ZC3H11A: variants seen among roughly 807,000 people sequenced by gnomAD.
ZC3H11A encodes zinc finger CCCH-type containing 11A.
In ZC3H11A, 22 loss-of-function variants were observed where a neutral mutation model predicts 90.8. The observed-to-expected ratio is 0.24, with a 90% CI of 0.17 to 0.35. The LOEUF is 0.35. Among genes scored for constraint, ZC3H11A ranks in the 10% least tolerant of loss-of-function variants. The pLI, the probability that ZC3H11A is intolerant of heterozygous loss-of-function variation, is 1.00. For synonymous variants in ZC3H11A, 294 were observed against 339.8 expected (o/e 0.87, Z 1.48); for missense variants, 701 against 964.9 (o/e 0.73, Z 3.62).
intron 11 of ZC3H11A, among the ~76,000 whole-genome samples, chr1:203,838,457 G>A (rs1685051979): frequency 1.3e-5 from 2 of 152,230 alleles, no homozygotes; most frequent in Admixed American, 6.5e-5. Flanking sequence ...TTAGCCAGGT[G>A]AAGTTCGAGA....
intron 2 of ZC3H11A, among the ~76,000 whole-genome samples, chr1:203,812,416 G>A (rs907493264): frequency 6.6e-6 from 1 of 152,006 alleles, no homozygotes; most frequent in Non-Finnish European, 1.5e-5. Flanking sequence ...AAGGATAATA[G>A]CCTCTGGCTC....
intron 9 of ZC3H11A, among the ~76,000 whole-genome samples, chr1:203,832,821 C>T (rs1013092516): frequency 3.3e-5 from 5 of 152,186 alleles, no homozygotes; most frequent in Admixed American, 2.6e-4. Context: ...CAGTTAACAT[C>T]GGAGTAGAGT....
In ZC3H11A at chr1:203,829,608, T is replaced by C; in HGVS notation, c.456T>C (p.His152=). 1 of 1,614,186 alleles carries C rather than the reference T, an allele frequency of 6.2e-7. No individual in the cohort carries two copies. The highest frequency in any genetic ancestry group is 8.5e-7 in the Non-Finnish European group (1 of 1,180,042). The part of the protein sequence containing the change: ...ESSENVPSPT[H]PPVVINAADD... Reference sequence around the variant, plus strand: ...CCGAAAATGTTCCTAGCCCCACGCATCCACCAGTTGTAATTAATGCTGCAG... The same window carrying C: ...CCGAAAATGTTCCTAGCCCCACGCACCCACCAGTTGTAATTAATGCTGCAG... Residue 152 remains histidine (H), a synonymous_variant, in exon 6 of 18, where the codon CAT becomes CAC. Transcript: ENST00000367210.
chr1:203,835,481 G>T (rs929803462), intron 10 of ZC3H11A: 12 of 156,052 alleles, frequency 7.7e-5, no homozygotes, highest in African/African-American at 2.9e-4. Context: ...TGTAAATCAA[G>T]AAACAATAAC....
intron 2 of ZC3H11A, among the ~76,000 whole-genome samples, chr1:203,803,643 T>C (rs528380515): frequency 6.6e-6 from 1 of 152,352 alleles, no homozygotes; most frequent in Admixed American, 6.5e-5. Context: ...TTGTGCTCTG[T>C]CACTGAGGCT....
intron 1 of ZC3H11A, chr1:203,799,958 T>A: frequency 5.2e-6 from 8 of 1,536,108 alleles, no homozygotes; most frequent in Non-Finnish European, 7.0e-6. Flanking sequence ...TCTGCCAAAT[T>A]CCAACTTCAG....
chr1:203,798,406 G>A (rs1230568920), intron 1 of ZC3H11A: 3 of 1,533,474 alleles, frequency 2.0e-6, no homozygotes, highest in Non-Finnish European at 2.6e-6. Context: ...GTGAGCCGGG[G>A]TAGGCCAGGG....
intron 2 of ZC3H11A, among the ~76,000 whole-genome samples, chr1:203,814,169 T>C (rs1342904780): frequency 1.3e-5 from 2 of 152,186 alleles, no homozygotes; most frequent in Non-Finnish European, 2.9e-5. Flanking sequence ...AGTTCATTGC[T>C]TCCAGGTTCT....
rs895055237 is a variant in ZC3H11A at position 203,801,616 on chromosome 1, A to G, written c.-1546A>G. 4.6e-5 allele frequency: 7 copies of G among 152,582 alleles called. No homozygotes were observed. Among genetic ancestry groups the G allele is most frequent in the African/African-American group, 1.2e-4 (5 of 41,426 alleles). 9.5% of individuals were successfully genotyped at this position (152,582 alleles called of 1,614,324 possible). On this transcript the variant is annotated 5_prime_UTR_variant, in exon 2 of 18. Transcript: ENST00000367210. ...TGCCCAAAAAATTCCTGGAAAATTG[A>G]CTAGTATTAAGTGTGAGTAAAAGGT...
intron 2 of ZC3H11A, among the ~76,000 whole-genome samples, chr1:203,812,677 G>A (rs1674923936): frequency 6.8e-6 from 1 of 148,052 alleles, no homozygotes; most frequent in African/African-American, 2.5e-5. Context: ...TGCCTCCTAG[G>A]TTCAAACGAT....
rs370741921 is a variant in ZC3H11A, at chr1:203,803,202, T to G, written c.-146+186T>G. Among the ~76,000 whole-genome samples, 36 of 152,204 alleles carry G rather than the reference T, an allele frequency of 2.4e-4. 2 individuals carry two copies. Among genetic ancestry groups the G allele is most frequent in the East Asian group, 1.2e-3 (6 of 5,208 alleles). On this transcript the variant is annotated intron_variant, in intron 2 of 17. Transcript: ENST00000367210. ...TTTTTTTCTTTCTTTTCTTTTTTTC[T>G]TTTTTGGAGACGGAGTTTTACTCTT...
At chr1:203,832,941 G>T (rs1353323838) in intron 9 of ZC3H11A, among the ~76,000 whole-genome samples, 2 of 152,128 alleles carry the variant, frequency 1.3e-5, no homozygotes, top group Non-Finnish European at 2.9e-5. Context: ...TTAATAATTA[G>T]TACTATTCTA....
intron 2 of ZC3H11A, among the ~76,000 whole-genome samples, chr1:203,804,460 A>T (rs566100531): frequency 2.6e-5 from 4 of 151,698 alleles, no homozygotes; most frequent in Non-Finnish European, 5.9e-5. Flanking sequence ...CCCTTCCTGT[A>T]TATCTTTTTA....
intron 4 of ZC3H11A, among the ~76,000 whole-genome samples, chr1:203,819,422 A>C (rs531475261): frequency 6.7e-6 from 1 of 150,278 alleles, no homozygotes; most frequent in East Asian, 2.0e-4. Context: ...GGGTTTTACC[A>C]CGCAGGCCAG....
chr1:203,835,830 A>C (rs570679180), intron 10 of ZC3H11A: 4 of 239,036 alleles, frequency 1.7e-5, no homozygotes, highest in Non-Finnish European at 3.7e-5. Flanking sequence ...TTCAATTTTA[A>C]GAAAAGCTAT....
At chr1:203,826,675 T>C (rs2102971161) in intron 4 of ZC3H11A, among the ~76,000 whole-genome samples, 1 of 152,322 alleles carries the variant, frequency 6.6e-6, no homozygotes, top group Middle Eastern at 3.4e-3. Flanking sequence ...CTCTTCTCCA[T>C]ATTCTTAAAT....
chr1:203,830,801 C>G (rs1354541593), intron 8 of ZC3H11A, among the ~76,000 whole-genome samples: 1 of 151,928 alleles, frequency 6.6e-6, no homozygotes, highest in African/African-American at 2.4e-5. Context: ...GATCAAGACT[C>G]TGTCTCAAAA....
chr1:203,824,816 A>T (rs1038002395), intron 4 of ZC3H11A, among the ~76,000 whole-genome samples: 1 of 152,200 alleles, frequency 6.6e-6, no homozygotes, highest in African/African-American at 2.4e-5. Context: ...ACGGTGGCTC[A>T]CGCCTGTAAT....
chr1:203,812,457 G>C (rs563230889), intron 2 of ZC3H11A, among the ~76,000 whole-genome samples: 3 of 151,206 alleles, frequency 2.0e-5, no homozygotes, highest in South Asian at 4.2e-4. Flanking sequence ...ACATGATTTT[G>C]TTCCTTTTTA....
Sources: gnomAD v4.1 joint callset for allele counts (sites outside exome capture counted in the v4.1 genomes callset) on GRCh38, gnomAD v4.1.1 for gene constraint, MANE v1.5 for transcripts, NCBI Gene and HGNC (gene_info 2026-07-23, HGNC 2026-07-21) for gene names.